The following VPS13C variants were observed in gnomAD, a reference collection of about 807,000 sequenced individuals.
The protein encoded by VPS13C is vacuolar protein sorting 13 homolog C, also known as intermembrane lipid transfer protein VPS13C.
VPS13C carries 358 observed loss-of-function variants against 456.8 expected under a neutral mutation model. The ratio of observed to expected loss-of-function variants is 0.78; its 90% CI spans 0.72 to 0.86. The LOEUF (loss-of-function observed/expected upper bound fraction) is 0.86, where lower values mean the gene tolerates loss of function less well. Ranked by LOEUF, VPS13C falls within the 40% of genes least tolerant of loss-of-function variation. The pLI is 0.00. For missense variants in VPS13C, 4,818 were observed against 4,385.4 expected (o/e 1.10, Z -2.79); for synonymous variants, 1,578 against 1,486.7 (o/e 1.06, Z -1.41).
intron 82 of VPS13C, among the ~76,000 whole-genome samples, chr15:61,860,953 C>CTTTTTTTTTT (rs781045840): frequency 1.1e-5 from 1 of 89,696 alleles, no homozygotes; most frequent in African/African-American, 4.2e-5. Context: ...TATTTTCTTT[C>CTTTTTTTTTT]TTTTTTTTTT....
At position 61,971,165 on chromosome 15, in the gene VPS13C, G is replaced by C. The variant is rs34775795; in HGVS notation, c.2757+1460C>G. Reference sequence around the variant, plus strand: ...CAAATGTAAGGCCTTGTAGGCCATGGAAAGGACTTAGTCCTTTACTTTTAG... The same window carrying C: ...CAAATGTAAGGCCTTGTAGGCCATGCAAAGGACTTAGTCCTTTACTTTTAG... On this transcript the variant is annotated intron_variant, in intron 27 of 84. Transcript: ENST00000644861. Among the ~76,000 whole-genome samples the C allele has an allele frequency of 6.4e-3, 969 of 152,350 alleles. 7 individuals carry two copies. The highest frequency in any genetic ancestry group is 0.01 in the Non-Finnish European group (683 of 68,036).
rs1469673903 is a variant in VPS13C, at chr15:61,925,481, A to G, written c.6584T>C (p.Ile2195Thr). 1.3e-6 allele frequency: 2 copies of G among 1,595,368 alleles called. No individual in the cohort carries two copies. Among genetic ancestry groups the G allele is most frequent in the Non-Finnish European group, 1.7e-6 (2 of 1,169,146 alleles). Reference protein sequence around the residue: ...TWASGKQNINIMVKEFIIKIS... With the variant: ...TWASGKQNINTMVKEFIIKIS... Reference sequence around the variant, plus strand: ...CTTAATTATAAATTCTTTAACCATAATATTTATATTTTGCTTTCCTGAAGC... The same window carrying G: ...CTTAATTATAAATTCTTTAACCATAGTATTTATATTTTGCTTTCCTGAAGC... The change falls in exon 53 of 85, where the codon ATT becomes ACT. Residue 2195 changes from isoleucine to threonine, a missense_variant. By Grantham distance (89) the Ile-to-Thr change is moderately conservative (BLOSUM62 -1). Transcript: ENST00000644861.
chr15:62,020,027 A>C (rs1365846774), intron 9 of VPS13C, among the ~76,000 whole-genome samples: 1 of 151,396 alleles, frequency 6.6e-6, no homozygotes, highest in East Asian at 1.9e-4. Context: ...AAAGACCATT[A>C]AAAGAAAAAC....
chr15:62,007,993 C>A (rs1232899817), intron 14 of VPS13C, among the ~76,000 whole-genome samples: 1 of 152,078 alleles, frequency 6.6e-6, no homozygotes, highest in African/African-American at 2.4e-5. Context: ...GTAATCCCAG[C>A]ACTTTGGGAG....
chr15:61,875,023 G>A (rs913239520), intron 76 of VPS13C, 72 bp from the exon 77 acceptor site: 1 of 1,321,982 alleles, frequency 7.6e-7, no homozygotes, highest in Non-Finnish European at 9.9e-7. Context: ...TAATAGTTCA[G>A]GGTTTGCAAG....
intron 66 of VPS13C, among the ~76,000 whole-genome samples, chr15:61,905,127 G>T (rs2043118405): frequency 6.6e-6 from 1 of 152,068 alleles, no homozygotes; most frequent in South Asian, 2.1e-4. Context: ...TAGAAGAGAA[G>T]ATTTGAAATG....
At chr15:61,928,440 A>G (rs531704366) in intron 51 of VPS13C, among the ~76,000 whole-genome samples, 1 of 152,338 alleles carries the variant, frequency 6.6e-6, no homozygotes, top group East Asian at 1.9e-4. Context: ...ATGCATATAT[A>G]AATATAGCAA....
intron 76 of VPS13C, 83 bp from the exon 77 acceptor site, chr15:61,875,034 A>C: frequency 8.2e-7 from 1 of 1,218,382 alleles, no homozygotes; most frequent in Admixed American, 2.9e-5. Flanking sequence ...GGTTTGCAAG[A>C]AGAATCCAAA....
intron 81 of VPS13C, chr15:61,864,992 G>A: frequency 1.0e-6 from 1 of 984,330 alleles, no homozygotes; most frequent in Non-Finnish European, 1.2e-6. Context: ...TCAAGCCATT[G>A]ACAGTTTTTA....
At chr15:61,866,744 T>G in intron 81 of VPS13C, 1 of 985,194 alleles carries the variant, frequency 1.0e-6, no homozygotes, top group Non-Finnish European at 1.2e-6. Flanking sequence ...TAGCACACGC[T>G]GGTTTTTGGA....
intron 82 of VPS13C, among the ~76,000 whole-genome samples, chr15:61,861,138 T>C (rs944236974): frequency 1.4e-4 from 22 of 151,822 alleles, no homozygotes; most frequent in African/African-American, 5.3e-4. Context: ...ATTTTTTGCA[T>C]TTTTCGTAGA....
At chr15:61,996,759 A>G (rs981738141) in intron 16 of VPS13C, among the ~76,000 whole-genome samples, 3 of 151,866 alleles carry the variant, frequency 2.0e-5, no homozygotes, top group Non-Finnish European at 4.4e-5. Context: ...TGAAGATGAC[A>G]GAAGAAAGAC....
chr15:62,055,162 A>G (rs937116975), intron 1 of VPS13C, among the ~76,000 whole-genome samples: 1 of 152,204 alleles, frequency 6.6e-6, no homozygotes, highest in Admixed American at 6.5e-5. Flanking sequence ...TTGCTTCTCA[A>G]ATTTAAAGGC....
At chr15:61,979,469 G>A (rs1284168307) in intron 22 of VPS13C, among the ~76,000 whole-genome samples, 2 of 152,146 alleles carry the variant, frequency 1.3e-5, no homozygotes, top group African/African-American at 4.8e-5. Flanking sequence ...GCTGAAGCTT[G>A]GGTGAAAGAA....
chr15:61,946,912 C>T (rs2044625573), intron 43 of VPS13C, among the ~76,000 whole-genome samples: 3 of 151,940 alleles, frequency 2.0e-5, no homozygotes, highest in Admixed American at 6.6e-5. Context: ...CTAAGATTTC[C>T]CTCCAAAAAA....
At position 61,856,424 on chromosome 15, in the gene VPS13C, A is replaced by G; in HGVS notation, c.10953-15T>C. ...ACAACACTCGCCTATTTTGCAAAAG[A>G]AAACAAAAACTTACAGTAAATGATG... On this transcript the variant is annotated splice_polypyrimidine_tract_variant and intron_variant, in intron 82 of 84. Coordinates refer to ENST00000644861, the MANE Select transcript of VPS13C (RefSeq NM_020821.3). 6.2e-7 allele frequency: 1 copy of G among 1,609,994 alleles called. No homozygotes were observed. Among genetic ancestry groups the G allele is most frequent in the Non-Finnish European group, 8.5e-7 (1 of 1,178,546 alleles).
intron 22 of VPS13C, among the ~76,000 whole-genome samples, chr15:61,980,183 CAAAAAAAAAAAAAAAAAAA>C (rs71125960): frequency 1.1e-4 from 5 of 45,250 alleles, no homozygotes; most frequent in African/African-American, 3.5e-4. Flanking sequence ...GACCCCATCT[CAAAAAAAAAAAAAAAAAAA>C]AAAAAAAAAA....
chr15:62,016,984 T>C (rs2047275242), intron 9 of VPS13C, among the ~76,000 whole-genome samples: 3 of 152,212 alleles, frequency 2.0e-5, no homozygotes, highest in South Asian at 2.1e-4. Flanking sequence ...TGAGATGATA[T>C]CTCATTGCGG....
Position 61,872,022 on chromosome 15 carries a change from C to T in VPS13C, c.10591G>A (p.Gly3531Arg). 2.5e-6 allele frequency: 4 copies of T among 1,612,514 alleles called. No individual in the cohort carries two copies. Among genetic ancestry groups the T allele is most frequent in the Non-Finnish European group, 3.4e-6 (4 of 1,179,200 alleles). ...GGTTTTGTTATTATTCCAGTCACTC[C>T]ACCAACAACTCCCTGAAAGAGAAAT... Reference protein sequence around the residue: ...GKGFLRGVVGGVTGIITKPVE... With the variant: ...GKGFLRGVVGRVTGIITKPVE... Residue 3531 changes from glycine (G) to arginine (R), a missense_variant, in exon 79 of 85, where the codon GGA (glycine) becomes AGA (arginine). Around this residue, in one of 3 missense-constraint regions of VPS13C, gnomAD observed 4,552 missense variants for 4,130.6 expected, o/e 1.10. Coordinates refer to ENST00000644861, the MANE Select transcript of VPS13C (RefSeq NM_020821.3).
Sources: gnomAD v4.1 joint callset for allele counts (sites outside exome capture counted in the v4.1 genomes callset) on GRCh38, gnomAD v4.1.1 for gene constraint, gnomAD v4.1.1 regional missense constraint, MANE v1.5 for transcripts, NCBI Gene and HGNC (gene_info 2026-07-23, HGNC 2026-07-21) for gene names.